The following POMT1 variants were observed in gnomAD, a reference collection of about 807,000 sequenced individuals.
POMT1 encodes protein O-mannosyltransferase 1.
A neutral mutation model predicts 101.6 loss-of-function variants in POMT1; 85 were observed. The observed-to-expected ratio is 0.84, with a 90% confidence interval of 0.70 to 1.00. The LOEUF (loss-of-function observed/expected upper bound fraction) is 1.00. Among genes scored for constraint, POMT1 ranks in the 50% least tolerant of loss-of-function variants. The pLI, the probability that POMT1 is intolerant of heterozygous loss-of-function variation, is 0.00. For missense variants in POMT1, 857 were observed against 930.4 expected (o/e 0.92, Z 1.03); for synonymous variants, 371 against 383.0 (o/e 0.97, Z 0.37).
At chr9:131,507,045 G>A (rs1409660405) in intron 4 of POMT1, among the ~76,000 whole-genome samples, 1 of 151,224 alleles carries the variant, frequency 6.6e-6, no homozygotes, top group African/African-American at 2.4e-5. Flanking sequence ...CCGGCCTGGG[G>A]GACAGAGCAA....
chr9:131,515,830 A>G (rs1948315614), intron 13 of POMT1, among the ~76,000 whole-genome samples: 2 of 122,106 alleles, frequency 1.6e-5, no homozygotes, highest in Admixed American at 7.9e-5. Context: ...CTAACACAGG[A>G]CACTTCCTCA....
In POMT1 at chr9:131,509,789, G is replaced by T; in HGVS notation, c.586G>T (p.Ala196Ser). 2.5e-6 allele frequency: 4 copies of T among 1,614,202 alleles called. No homozygotes were observed. In the South Asian group the frequency reaches 4.4e-5, roughly 18 times the overall value. The change falls in exon 7 of 20, where the codon GCT (alanine) becomes TCT (serine). Residue 196 changes from alanine (A) to serine (S), a missense_variant. Physicochemically the swap from Ala to Ser is moderately conservative, Grantham distance 99. Coordinates refer to ENST00000402686, the MANE Select transcript of POMT1 (RefSeq NM_001077365.2). ...WWFWLTLTGV[A>S]CSCAVGIKYM... Reference sequence around the variant, plus strand: ...GTTCTGGCTAACACTGACAGGGGTCGCTTGTTCCTGTGCAGTGGGGTGAGT... The same window carrying T: ...GTTCTGGCTAACACTGACAGGGGTCTCTTGTTCCTGTGCAGTGGGGTGAGT...
intron 18 of POMT1, among the ~76,000 whole-genome samples, chr9:131,521,699 T>C (rs1949952036): frequency 6.6e-6 from 1 of 152,184 alleles, no homozygotes; most frequent in African/African-American, 2.4e-5. Flanking sequence ...TATTGTGGAA[T>C]CTTAAATTAT....
chr9:131,507,499 C>G lies in POMT1; in HGVS notation c.412C>G (p.Leu138Val). Residue 138 changes from leucine to valine, a missense_variant, in exon 5 of 20, where the codon CTG becomes GTG. Physicochemically the swap from Leu to Val is conservative, Grantham distance 32. Transcript: ENST00000402686. The part of the protein sequence containing the change: ...FSHCAAMGAA[L>V]LMLIENALIT... ...TCATTGTGCCGCCATGGGAGCTGCT[C>G]TGTTGATGCTTATCGGTAAGACCTG... 6.2e-7 allele frequency: 1 copy of G among 1,614,154 alleles called. No homozygotes were observed. The highest frequency in any genetic ancestry group is 8.5e-7 in the Non-Finnish European group (1 of 1,180,018).
At chr9:131,520,272 T>C (rs1949655376) in intron 17 of POMT1, 79 bp downstream of exon 17, 2 of 1,214,494 alleles carry the variant, frequency 1.6e-6, no homozygotes, top group Non-Finnish European at 2.4e-6. Flanking sequence ...GAGCAGCCGC[T>C]GCACCCTAGA....
At chr9:131,512,705 G>A (rs972118647) in intron 11 of POMT1, among the ~76,000 whole-genome samples, 4 of 151,992 alleles carry the variant, frequency 2.6e-5, no homozygotes, top group African/African-American at 4.8e-5. Flanking sequence ...TCCGCTTCCC[G>A]GGTTCAAGTG....
intron 5 of POMT1, 74 bp downstream of exon 5, chr9:131,507,588 G>A: frequency 6.3e-7 from 1 of 1,593,490 alleles, no homozygotes; most frequent in Non-Finnish European, 8.6e-7. Flanking sequence ...AAGATCACAT[G>A]GGCTTGGTGG....
Position 131,513,344 on chromosome 9 carries a change from G to T in POMT1, c.1175+13G>T. 6.2e-7 allele frequency: 1 copy of T among 1,606,286 alleles called. No individual in the cohort carries two copies. ...GCTCCCTGAACACGTGAGTGTGCCC[G>T]CCGTCTGCTCTGCTGCACCTGTGGG... On this transcript the variant is annotated intron_variant, in intron 12 of 19. Transcript: ENST00000402686.
At position 131,509,046 on chromosome 9, in the gene POMT1, T is replaced by C. The variant is rs774547864; in HGVS notation, c.539+24T>C. 2.0e-6 allele frequency: 3 copies of C among 1,515,394 alleles called. No individual in the cohort carries two copies. In the South Asian group the frequency reaches 3.4e-5, roughly 17 times the overall value. The allele number at this position is 1,515,394 out of a possible 1,614,324, so 93.9% of individuals were successfully genotyped here. A position where few individuals can be genotyped will look rare whatever the true frequency, so the allele number is the denominator to read the frequency against. The stretch of plus-strand genomic sequence containing the variant: ...AGGTATGGAAAATGGAGTGTCTTCC[T>C]AGTTAACGAGAACAGAGATTCTGGG... On this transcript the variant is annotated intron_variant, in intron 6 of 19. Coordinates refer to ENST00000402686, the MANE Select transcript of POMT1 (RefSeq NM_001077365.2).
Position 131,507,423 on chromosome 9 carries a change from G to T in POMT1, c.336G>T (p.Gly112=). 1 of 1,614,160 alleles carries T rather than the reference G, an allele frequency of 6.2e-7. No individual in the cohort carries two copies. The highest frequency in any genetic ancestry group is 2.2e-5 in the East Asian group (1 of 44,880). Residue 112 remains glycine, a synonymous_variant, in exon 5 of 20, where the codon GGG becomes GGT. Transcript: ENST00000402686. ...TGCGCCTGCTGCCAGCACTCGCGGG[G>T]GCCTTGTCGGTCCCCATGGCCTACC... ...WSLRLLPALA[G]ALSVPMAYQI...
chr9:131,519,275 A>G lies in POMT1; in HGVS notation c.1487-114A>G. On this transcript the variant is annotated intron_variant, in intron 15 of 19. Transcript: ENST00000402686. This position sits in a 1 kb window ranked among gnomAD's most constrained non-coding sequence, Gnocchi z 4.3. ...CTAAGTGGAATGATGCGGTTCGATA[A>G]GGGGTCTTTGTTAGAAAGGCAGGAA... The G allele has an allele frequency of 9.4e-7, 1 of 1,062,200 alleles. No individual in the cohort carries two copies. Among genetic ancestry groups the G allele is most frequent in the Non-Finnish European group, 1.4e-6 (1 of 712,084 alleles). The allele number at this position is 1,062,200 out of a possible 1,614,324, so 65.8% of individuals were successfully genotyped here.
rs1399745558 is a variant in POMT1, at chr9:131,521,358, C to T, written c.1711C>T (p.Leu571=). The T allele has an allele frequency of 6.2e-7, 1 of 1,614,076 alleles. No homozygotes were observed. Among genetic ancestry groups the T allele is most frequent in the African/African-American group, 1.3e-5 (1 of 74,930 alleles). ...CATGTTCCCTTAGGCTCAGATCCACCTACTTGGAAACATAGTGATCTGGGT... is the reference window on the plus strand; with the variant it reads ...CATGTTCCCTTAGGCTCAGATCCACTTACTTGGAAACATAGTGATCTGGGT... ...LHPRTSAQIH[L]LGNIVIWVSG... Residue 571 remains leucine (L), a synonymous_variant, in exon 18 of 20, where the codon CTA becomes TTA. Transcript: ENST00000402686.
At chr9:131,509,844 C>T in intron 7 of POMT1, 36 bp downstream of exon 7, 1 of 1,614,254 alleles carries the variant, frequency 6.2e-7, no homozygotes, top group Non-Finnish European at 8.5e-7. Flanking sequence ...CAGTGTCCTC[C>T]TCCATCTCCT....
At chr9:131,516,923 C>T (rs1948805363) in intron 13 of POMT1, 1 of 152,264 alleles carries the variant, frequency 6.6e-6, no homozygotes, top group Non-Finnish European at 1.5e-5. Flanking sequence ...GTCACCTTTC[C>T]TTCCAGCGAC....
intron 9 of POMT1, chr9:131,510,980 G>A: frequency 3.5e-6 from 1 of 282,432 alleles, no homozygotes; most frequent in South Asian, 4.2e-5. Context: ...GACGGCCAGT[G>A]CTGTAGTGCT....
chr9:131,519,175 C>T lies in POMT1; in HGVS notation c.1487-214C>T, dbSNP rs543007318. On this transcript the variant is annotated intron_variant, in intron 15 of 19. Transcript: ENST00000402686. The surrounding 1 kb of genome is among the most constrained non-coding windows in gnomAD (Gnocchi z 4.3). ...TGTCGCTGGAAGGCAACCAGTTTAT[C>T]CCCGTGCAAGTGGAGCTTTCTCAGG... is the stretch of plus-strand genomic sequence containing the variant. Among the ~76,000 whole-genome samples the T allele has an allele frequency of 2.6e-4, 39 of 152,172 alleles. No individual in the cohort carries two copies. Among genetic ancestry groups the T allele is most frequent in the Non-Finnish European group, 4.9e-4 (33 of 68,026 alleles).
At chr9:131,504,439 G>A (rs776403058) in intron 2 of POMT1, 99 bp downstream of exon 2, 3 of 1,576,232 alleles carry the variant, frequency 1.9e-6, no homozygotes, top group Admixed American at 1.8e-5. Context: ...TGAAATCCTG[G>A]CTTCTTGGTG....
At position 131,519,372 on chromosome 9, in the gene POMT1, C is replaced by T. The variant is rs773738105; in HGVS notation, c.1487-17C>T. On this transcript the variant is annotated splice_polypyrimidine_tract_variant and intron_variant, in intron 15 of 19. Transcript: ENST00000402686. This position sits in a 1 kb window ranked among gnomAD's most constrained non-coding sequence, Gnocchi z 4.3. ...TTGTGCTACTTCTATCTGTTATGCC[C>T]TTGTCTGTTCTGCCAGGCCAGGAGC... 6.4e-7 allele frequency: 1 copy of T among 1,550,570 alleles called. No homozygotes were observed. The highest frequency in any genetic ancestry group is 8.7e-7 in the Non-Finnish European group (1 of 1,146,458).
Position 131,504,147 on chromosome 9 carries a change from T to C in POMT1, c.-30-42T>C, listed in dbSNP as rs999373299. On this transcript the variant is annotated intron_variant, in intron 1 of 19. Coordinates refer to ENST00000402686, the MANE Select transcript of POMT1 (RefSeq NM_001077365.2). Reference sequence around the variant, plus strand: ...GGCTGGGGATCCCTTCTGTAGCCTCTCGTGAGCCCTCATGGACCACGGCTC... The same window carrying C: ...GGCTGGGGATCCCTTCTGTAGCCTCCCGTGAGCCCTCATGGACCACGGCTC... The C allele has an allele frequency of 1.4e-5, 22 of 1,611,374 alleles. No individual in the cohort carries two copies. The African/African-American group carries it at 2.9e-4, about 22-fold the overall frequency.
Sources: gnomAD v4.1 joint callset for allele counts (sites outside exome capture counted in the v4.1 genomes callset) on GRCh38, gnomAD v4.1.1 for gene constraint, Gnocchi (gnomAD v3.1) non-coding constraint, MANE v1.5 for transcripts, NCBI Gene and HGNC (gene_info 2026-07-23, HGNC 2026-07-21) for gene names.